Variants in DHRS7C observed in about 807,000 individuals in gnomAD.
The protein encoded by DHRS7C is dehydrogenase/reductase SDR family member 7C.
A neutral mutation model predicts 29.6 loss-of-function variants in DHRS7C; 28 were observed. The ratio of observed to expected loss-of-function variants is 0.95; its 90% confidence interval spans 0.70 to 1.30. The LOEUF (loss-of-function observed/expected upper bound fraction) is 1.30, where lower values mean the gene tolerates loss of function less well. Ranked by LOEUF, DHRS7C falls within the 50% of genes most tolerant of loss-of-function variation. The probability of loss-of-function intolerance (pLI) is 0.00; values close to 1 mark genes in which losing one functional copy is unlikely to be tolerated. For missense variants in DHRS7C, 403 were observed against 393.3 expected, an observed-to-expected ratio of 1.02 and a Z score of -0.21; for synonymous variants, 158 against 160.2, an observed-to-expected ratio of 0.99 and a Z score of 0.10.
intron 1 of DHRS7C, among the ~76,000 whole-genome samples, chr17:9,784,035 T>G (rs2152017813): frequency 6.6e-6 from 1 of 151,030 alleles, no homozygotes; most frequent in Admixed American, 6.6e-5. Context: ...ATATACTAAG[T>G]AGTGAAATAT....
Position 9,775,742 on chromosome 17 carries a change from G to C in DHRS7C, c.571+1451C>G, listed in dbSNP as rs927855631. Among the ~76,000 whole-genome samples, 1 of 152,200 alleles carries C rather than the reference G, an allele frequency of 6.6e-6. No individual in the cohort carries two copies. The highest frequency in any genetic ancestry group is 1.5e-5 in the Non-Finnish European group (1 of 68,046). On this transcript the variant is annotated intron_variant, in intron 4 of 5. Coordinates refer to ENST00000571134, the MANE Select transcript of DHRS7C (RefSeq NM_001105571.3). This position sits in a 1 kb window ranked among gnomAD's most constrained non-coding sequence, Gnocchi z 4.2. ...AAGGTAAAACACTACTAGAGCGGGT[G>C]TTATGGGTTGAATTCTGTTATCAGC...
At chr17:9,784,827 C>A (rs1567703280) in intron 1 of DHRS7C, among the ~76,000 whole-genome samples, 1 of 152,194 alleles carries the variant, frequency 6.6e-6, no homozygotes, top group Non-Finnish European at 1.5e-5. Flanking sequence ...TTCTTGGCCA[C>A]TGTGAATAAC....
At chr17:9,779,704 G>A in intron 3 of DHRS7C, 121 bp downstream of exon 3, 1 of 1,002,950 alleles carries the variant, frequency 1.0e-6, no homozygotes, top group Non-Finnish European at 1.4e-6. Flanking sequence ...CAATAGGTAG[G>A]GAATTTTCTG....
intron 1 of DHRS7C, among the ~76,000 whole-genome samples, chr17:9,788,497 G>T (rs572579634): frequency 6.6e-6 from 1 of 152,218 alleles, no homozygotes; most frequent in Non-Finnish European, 1.5e-5. Flanking sequence ...GTGAGCCACC[G>T]TGCCTGGCCT....
intron 1 of DHRS7C, among the ~76,000 whole-genome samples, chr17:9,785,845 G>A (rs1049928701): frequency 2.6e-5 from 4 of 152,134 alleles, no homozygotes; most frequent in Admixed American, 1.3e-4. Flanking sequence ...GGCCCTAGAA[G>A]CCTCAGAAAC....
intron 5 of DHRS7C, 75 bp from the exon 6 acceptor site, chr17:9,771,771 A>G: frequency 7.8e-7 from 1 of 1,286,326 alleles, no homozygotes; most frequent in Non-Finnish European, 9.9e-7. Flanking sequence ...GCACATGCAC[A>G]AAGGCTGAGG....
chr17:9,778,770 G>A (rs569323689), intron 3 of DHRS7C, among the ~76,000 whole-genome samples: 1 of 152,162 alleles, frequency 6.6e-6, no homozygotes, highest in Non-Finnish European at 1.5e-5. Context: ...CATGGGAGCT[G>A]GTTGTAGAGA....
intron 1 of DHRS7C, among the ~76,000 whole-genome samples, chr17:9,783,414 G>A (rs74608381): frequency 0.049 from 7,394 of 152,160 alleles, 344 homozygotes; most frequent in East Asian, 0.23. Flanking sequence ...GGATCCCAAC[G>A]GGTCTTGGGA....
chr17:9,776,030 C>T (rs373521502), intron 4 of DHRS7C, among the ~76,000 whole-genome samples: 13 of 152,056 alleles, frequency 8.5e-5, no homozygotes, highest in South Asian at 2.1e-4. Flanking sequence ...GGGGAAACCC[C>T]GTCCCTACTA....
chr17:9,772,763 TCA>T lies in DHRS7C; in HGVS notation c.727+2_727+3del. On this transcript the variant is annotated splice_donor_variant and splice_donor_region_variant and intron_variant, in intron 5 of 5. Coordinates refer to ENST00000571134, the MANE Select transcript of DHRS7C (RefSeq NM_001105571.3). LOFTEE classifies it high-confidence loss of function. ...GGGGCCCCAGCTTCCCTCTGAAGTCTCACATTTCCAAATGGAAGCTTCCCAGT... is the reference window on the plus strand; with the variant it reads ...GGGGCCCCAGCTTCCCTCTGAAGTCTCATTTCCAAATGGAAGCTTCCCAGT... 6.2e-7 allele frequency: 1 copy of T among 1,613,682 alleles called. No individual in the cohort carries two copies. Among genetic ancestry groups the T allele is most frequent in the Non-Finnish European group, 8.5e-7 (1 of 1,179,770 alleles).
At position 9,791,333 on chromosome 17, in the gene DHRS7C, A is replaced by G; in HGVS notation, c.-49T>C. 1 of 1,596,676 alleles carries G rather than the reference A, an allele frequency of 6.3e-7. No individual in the cohort carries two copies. Among genetic ancestry groups the G allele is most frequent in the Non-Finnish European group, 8.5e-7 (1 of 1,171,234 alleles). Reference sequence around the variant, plus strand: ...AAAAGGGGATTGGCTTTGCAAAGAGACGCTGATCAGGACTCCCAGGGCAGG... The same window carrying G: ...AAAAGGGGATTGGCTTTGCAAAGAGGCGCTGATCAGGACTCCCAGGGCAGG... On this transcript the variant is annotated 5_prime_UTR_variant, in exon 1 of 6. Coordinates refer to ENST00000571134, the MANE Select transcript of DHRS7C (RefSeq NM_001105571.3).
At chr17:9,787,660 G>A (rs1272806878) in intron 1 of DHRS7C, among the ~76,000 whole-genome samples, 1 of 152,094 alleles carries the variant, frequency 6.6e-6, no homozygotes, top group African/African-American at 2.4e-5. Flanking sequence ...AGATGCCATC[G>A]ATGATGAGCT....
chr17:9,783,506 C>G (rs576530266), intron 1 of DHRS7C, among the ~76,000 whole-genome samples: 1 of 152,230 alleles, frequency 6.6e-6, no homozygotes, highest in Non-Finnish European at 1.5e-5. Flanking sequence ...AAGCAAAGAA[C>G]ATGTTGAAAA....
chr17:9,772,156 A>G (rs2066333256), intron 5 of DHRS7C, among the ~76,000 whole-genome samples: 1 of 152,132 alleles, frequency 6.6e-6, no homozygotes, highest in African/African-American at 2.4e-5. Context: ...AGCATCCTAG[A>G]GCAGTGGCCA....
In DHRS7C at chr17:9,775,190, C is replaced by A. The variant is rs2066354982; in HGVS notation, c.571+2003G>T. ...ATGAAGCAAGGAAGATGAAAAGTCACCCAGCTGCTGAAAATAACAGACAGA... is the reference window on the plus strand; with the variant it reads ...ATGAAGCAAGGAAGATGAAAAGTCAACCAGCTGCTGAAAATAACAGACAGA... On this transcript the variant is annotated intron_variant, in intron 4 of 5. Transcript: ENST00000571134. This position sits in a 1 kb window ranked among gnomAD's most constrained non-coding sequence, Gnocchi z 4.2. 6.6e-6 allele frequency among the ~76,000 whole-genome samples: 1 copy of A among 152,176 alleles called. No individual in the cohort carries two copies. Among genetic ancestry groups the A allele is most frequent in the Admixed American group, 6.5e-5 (1 of 15,278 alleles).
At chr17:9,786,767 C>T (rs971135404) in intron 1 of DHRS7C, among the ~76,000 whole-genome samples, 2 of 151,960 alleles carry the variant, frequency 1.3e-5, no homozygotes, top group African/African-American at 4.8e-5. Flanking sequence ...AATGAATCAC[C>T]CGGAGTCCCA....
chr17:9,785,317 C>T (rs936979580), intron 1 of DHRS7C: 4 of 152,212 alleles, frequency 2.6e-5, no homozygotes, highest in African/African-American at 9.7e-5. Flanking sequence ...GTGAAGGGCA[C>T]AGGAGGAATC....
At position 9,779,854 on chromosome 17, in the gene DHRS7C, T is replaced by C; in HGVS notation, c.449A>G (p.Asn150Ser). The C allele has an allele frequency of 3.7e-6, 6 of 1,613,506 alleles. 1 individual carries two copies. Among genetic ancestry groups the C allele is most frequent in the Admixed American group, 1.7e-5 (1 of 59,946 alleles). Residue 150 changes from asparagine to serine, a missense_variant, in exon 3 of 6, where the codon AAT becomes AGT. Coordinates refer to ENST00000571134, the MANE Select transcript of DHRS7C (RefSeq NM_001105571.3). ...CGTCAATGTGATGGGGCCAAAGTAA[T>C]TGGCATCCATGATCTTTTTGTCGAG... The part of the protein sequence containing the change: ...LELDKKIMDA[N>S]YFGPITLTKA...
chr17:9,787,006 C>A (rs2066427703), intron 1 of DHRS7C, among the ~76,000 whole-genome samples: 1 of 151,982 alleles, frequency 6.6e-6, no homozygotes, highest in Admixed American at 6.6e-5. Flanking sequence ...AGTGCAGTGG[C>A]GTGATCTCAG....
Sources: gnomAD v4.1 joint callset for allele counts (sites outside exome capture counted in the v4.1 genomes callset) on GRCh38, gnomAD v4.1.1 for gene constraint, Gnocchi (gnomAD v3.1) non-coding constraint, MANE v1.5 for transcripts, NCBI Gene and HGNC (gene_info 2026-07-23, HGNC 2026-07-21) for gene names.